PRKG1: variants seen among roughly 807,000 people sequenced by gnomAD.
PRKG1 encodes cGMP-dependent protein kinase 1.
A neutral mutation model predicts 88.1 loss-of-function variants in PRKG1; 35 were observed. That is an observed-to-expected ratio of 0.40 (90% CI 0.30 to 0.53). The LOEUF (loss-of-function observed/expected upper bound fraction) is 0.53, where lower values mean the gene tolerates loss of function less well. PRKG1 is among the 20% of genes least tolerant of loss of function. PRKG1 has a pLI of 0.59. For synonymous variants in PRKG1, 303 were observed against 292.5 expected (o/e 1.04, Z -0.37); for missense variants, 540 against 839.8 (o/e 0.64, Z 4.41).
chr10:51,550,467 A>G (rs1028904680), intron 3 of PRKG1, among the ~76,000 whole-genome samples: 2 of 151,992 alleles, frequency 1.3e-5, no homozygotes, highest in Admixed American at 6.6e-5. Flanking sequence ...ACTATCTGAG[A>G]TGACCATGGT....
intron 9 of PRKG1, among the ~76,000 whole-genome samples, chr10:52,204,220 C>T (rs1389134908): frequency 6.6e-6 from 1 of 152,036 alleles, no homozygotes; most frequent in Non-Finnish European, 1.5e-5. Flanking sequence ...GCCTCAGCCT[C>T]CTGGGTAGCT....
At position 51,981,709 on chromosome 10, in the gene PRKG1, C is replaced by A. The variant is rs780260803; in HGVS notation, c.763-72775C>A. Among the ~76,000 whole-genome samples, 5 of 152,120 alleles carry A rather than the reference C, an allele frequency of 3.3e-5. No homozygotes were observed. The South Asian group carries it at 1.0e-3, about 32-fold the overall frequency. Reference sequence around the variant, plus strand: ...GTTAGTCTTATGGGCTTCCTTTTGTCGCTTATCTGACATTTTTCTTTAGCT... The same window carrying A: ...GTTAGTCTTATGGGCTTCCTTTTGTAGCTTATCTGACATTTTTCTTTAGCT... On this transcript the variant is annotated intron_variant, in intron 5 of 17. Transcript: ENST00000373980.
chr10:51,373,834 CTT>C (rs1842753231), intron 2 of PRKG1, among the ~76,000 whole-genome samples: 1 of 151,666 alleles, frequency 6.6e-6, no homozygotes, highest in African/African-American at 2.4e-5. Context: ...CATGCTGTCT[CTT>C]TTCGTTTTTT....
intron 3 of PRKG1, among the ~76,000 whole-genome samples, chr10:51,677,928 T>A (rs1840752063): frequency 6.6e-6 from 1 of 152,164 alleles, no homozygotes; most frequent in Admixed American, 6.6e-5. Flanking sequence ...ACCTCTTGGA[T>A]ATGAGAGGTT....
At chr10:51,348,914 G>T (rs982153161) in intron 2 of PRKG1, among the ~76,000 whole-genome samples, 1 of 152,060 alleles carries the variant, frequency 6.6e-6, no homozygotes, top group Admixed American at 6.5e-5. Flanking sequence ...TTTTGGGCTA[G>T]GGAAAAATCT....
intron 5 of PRKG1, among the ~76,000 whole-genome samples, chr10:52,038,830 C>T (rs566949592): frequency 6.6e-6 from 1 of 152,242 alleles, no homozygotes; most frequent in Admixed American, 6.5e-5. Flanking sequence ...CGGATAAAAA[C>T]ATGTCTCCTT....
intron 3 of PRKG1, among the ~76,000 whole-genome samples, chr10:51,506,972 TA>T (rs957997140): frequency 1.3e-5 from 2 of 151,960 alleles, no homozygotes; most frequent in East Asian, 1.9e-4. Context: ...TATGCAGCCA[TA>T]AAAAAGGATT....
intron 5 of PRKG1, among the ~76,000 whole-genome samples, chr10:52,050,414 G>A (rs1356988371): frequency 1.3e-5 from 2 of 152,052 alleles, no homozygotes; most frequent in African/African-American, 4.8e-5. Flanking sequence ...GATTTAATTT[G>A]AAATATGAAA....
At chr10:52,004,973 T>C (rs1188504056) in intron 5 of PRKG1, among the ~76,000 whole-genome samples, 2 of 152,108 alleles carry the variant, frequency 1.3e-5, no homozygotes, top group Non-Finnish European at 2.9e-5. Context: ...AATTTAATCA[T>C]TATCAATATG....
At chr10:51,691,395 C>T (rs1482393689) in intron 3 of PRKG1, among the ~76,000 whole-genome samples, 1 of 151,404 alleles carries the variant, frequency 6.6e-6, no homozygotes, top group Non-Finnish European at 1.5e-5. Context: ...GCAGCCTCCA[C>T]CTCCTGGGCT....
intron 5 of PRKG1, among the ~76,000 whole-genome samples, chr10:52,038,239 C>A (rs191032045): frequency 1.3e-5 from 2 of 151,708 alleles, no homozygotes; most frequent in Non-Finnish European, 2.9e-5. Flanking sequence ...TGGAAGGTTG[C>A]CTATAGTGAA....
At chr10:51,359,643 C>T (rs1244487741) in intron 2 of PRKG1, among the ~76,000 whole-genome samples, 1 of 151,836 alleles carries the variant, frequency 6.6e-6, no homozygotes, top group African/African-American at 2.4e-5. Context: ...TTTCTGCCAT[C>T]ATGGCTGACT....
chr10:51,723,709 C>A (rs1003895688), intron 3 of PRKG1, among the ~76,000 whole-genome samples: 2 of 152,030 alleles, frequency 1.3e-5, no homozygotes, highest in Non-Finnish European at 2.9e-5. Flanking sequence ...CTTGAAAGAT[C>A]AAAATATTTA....
intron 2 of PRKG1, among the ~76,000 whole-genome samples, chr10:51,361,511 A>G (rs1564461725): frequency 6.6e-6 from 1 of 151,858 alleles, no homozygotes; most frequent in African/African-American, 2.4e-5. Context: ...TACTAGTAAG[A>G]TGTTTTTGAA....
intron 2 of PRKG1, among the ~76,000 whole-genome samples, chr10:51,328,836 T>C (rs1289136449): frequency 6.6e-6 from 1 of 152,222 alleles, no homozygotes; most frequent in Non-Finnish European, 1.5e-5. Context: ...TTCAGGATCT[T>C]TGCCTATTTT....
Position 51,930,495 on chromosome 10 carries a change from C to CTTTTTTTTTTTT in PRKG1, c.762+22935_762+22946dup, listed in dbSNP as rs3029977. 1.3e-4 allele frequency among the ~76,000 whole-genome samples: 14 copies of CTTTTTTTTTTTT among 104,474 alleles called. 1 individual carries two copies. The highest frequency in any genetic ancestry group is 3.3e-4 in the Admixed American group (3 of 9,122). 68.5% of individuals were successfully genotyped at this position (104,474 alleles called of 152,430 possible). A position where few individuals can be genotyped will look rare whatever the true frequency, so the allele number is the denominator to read the frequency against. On this transcript the variant is annotated intron_variant, in intron 5 of 17. Transcript: ENST00000373980. ...TTTTAAAAGAACCTTTTTTTTTCCTCTTTTTTTTTTTTTTTTTTTTTGAGA... is the reference window on the plus strand; with the variant it reads ...TTTTAAAAGAACCTTTTTTTTTCCTCTTTTTTTTTTTTTTTTTTTTTTTTTTTTTTTTTGAGA...
chr10:51,443,000 T>G (rs1279791818), intron 2 of PRKG1, among the ~76,000 whole-genome samples: 1 of 152,044 alleles, frequency 6.6e-6, no homozygotes, highest in Non-Finnish European at 1.5e-5. Flanking sequence ...TCCATTGTAT[T>G]CTATTGGTCA....
chr10:51,578,858 G>C (rs142508693), intron 3 of PRKG1, among the ~76,000 whole-genome samples: 1 of 151,686 alleles, frequency 6.6e-6, no homozygotes, highest in Non-Finnish European at 1.5e-5. Context: ...AATGAGATTG[G>C]GACCAACCAT....
chr10:51,284,181 C>T (rs756150084), intron 2 of PRKG1, among the ~76,000 whole-genome samples: 36 of 151,882 alleles, frequency 2.4e-4, no homozygotes, highest in Non-Finnish European at 4.9e-4. Context: ...AAATAAAATC[C>T]GGTGAAAAGT....
Sources: allele counts gnomAD v4.1 joint callset (sites outside exome capture counted in the v4.1 genomes callset), GRCh38; gene constraint gnomAD v4.1.1; transcripts MANE v1.5; gene names NCBI Gene and HGNC (gene_info 2026-07-23, HGNC 2026-07-21).